The following GEN1 variants were observed in gnomAD, a reference collection of about 807,000 sequenced individuals.
GEN1 encodes GEN1 structure-specific endonuclease, also known as flap endonuclease GEN homolog 1.
Under a neutral mutation model 67.6 loss-of-function variants are expected in GEN1, and 64 were observed. That is an observed-to-expected ratio of 0.95 (90% CI 0.77 to 1.17). The LOEUF is 1.17. Among genes scored for constraint, GEN1 ranks in the 50% most tolerant of loss-of-function variants. GEN1 has a pLI of 0.00. For missense variants in GEN1, 1,058 were observed against 1,048.3 expected (o/e 1.01, Z -0.13); for synonymous variants, 371 against 359.4 (o/e 1.03, Z -0.37).
intron 7 of GEN1, among the ~76,000 whole-genome samples, chr2:17,772,037 T>C (rs1672214644): frequency 6.6e-6 from 1 of 152,068 alleles, no homozygotes; most frequent in Non-Finnish European, 1.5e-5. Context: ...TCATATCAAG[T>C]ATATGTGCTC....
chr2:17,765,039 A>C lies in GEN1; in HGVS notation c.491A>C (p.Gln164Pro). Residue 164 changes from glutamine (Q) to proline (P), a missense_variant, in exon 4 of 14, where the codon CAG becomes CCG. Transcript: ENST00000381254. ...GGAGATACTTTCCTTTATGGGGCCCAGACTGTTTACAGGAATTTCACTATG... is the reference window on the plus strand; with the variant it reads ...GGAGATACTTTCCTTTATGGGGCCCCGACTGTTTACAGGAATTTCACTATG... Reference protein sequence around the residue: ...NDGDTFLYGAQTVYRNFTMNT... With the variant: ...NDGDTFLYGAPTVYRNFTMNT... The C allele has an allele frequency of 6.2e-7, 1 of 1,614,134 alleles. No individual in the cohort carries two copies. The highest frequency in any genetic ancestry group is 8.5e-7 in the Non-Finnish European group (1 of 1,179,994).
chr2:17,778,105 TGACC>T (rs775734415), intron 12 of GEN1, 42 bp downstream of exon 12: 5 of 1,033,714 alleles, frequency 4.8e-6, no homozygotes, highest in African/African-American at 4.7e-5. Context: ...TTATAATATT[TGACC>T]ATGTATGTCT....
At position 17,774,361 on chromosome 2, in the gene GEN1, A is replaced by C; in HGVS notation, c.1162A>C (p.Lys388Gln). The C allele has an allele frequency of 6.2e-7, 1 of 1,606,524 alleles. No individual in the cohort carries two copies. The highest frequency in any genetic ancestry group is 8.5e-7 in the Non-Finnish European group (1 of 1,175,210). The change falls in exon 11 of 14, where the codon AAG becomes CAG. Residue 388 changes from lysine (K) to glutamine (Q), a missense_variant. Transcript: ENST00000381254. ...LLTHYDMIER[K>Q]LGSRNSNQLQ... is the part of the protein sequence containing the mutation. ...GACCCATTATGACATGATAGAAAGA[A>C]AGCTTGGTAGCAGAAACTCTAATCA... is the stretch of plus-strand genomic sequence containing the variant.
intron 7 of GEN1, among the ~76,000 whole-genome samples, chr2:17,771,712 A>G (rs1340332880): frequency 1.3e-5 from 2 of 151,930 alleles, no homozygotes; most frequent in Non-Finnish European, 2.9e-5. Flanking sequence ...GTGTGAAGAC[A>G]GTGACTTAAA....
chr2:17,763,780 T>C (rs1671792633), intron 3 of GEN1, among the ~76,000 whole-genome samples: 1 of 152,222 alleles, frequency 6.6e-6, no homozygotes, highest in Non-Finnish European at 1.5e-5. Flanking sequence ...AAACTGTCTC[T>C]CTAAAATCAC....
At position 17,786,612 on chromosome 2, in the gene GEN1, A is replaced by G. The variant is rs1329387862; in HGVS notation, c.*4673A>G. 6.6e-6 allele frequency: 1 copy of G among 152,242 alleles called. No individual in the cohort carries two copies. The highest frequency in any genetic ancestry group is 6.5e-5 in the Admixed American group (1 of 15,292). 9.4% of individuals were successfully genotyped at this position (152,242 alleles called of 1,614,324 possible). ...AAAGTTAAAGCTGGGACTAGAACTC[A>G]GATCTCCTAATTCATGAGTGAAAAC... is the stretch of plus-strand genomic sequence containing the variant. On this transcript the variant is annotated 3_prime_UTR_variant, in exon 14 of 14. Coordinates refer to ENST00000381254, the MANE Select transcript of GEN1 (RefSeq NM_001130009.3).
In GEN1 at chr2:17,762,650, TG is replaced by T. The variant is rs1440762831; in HGVS notation, c.348+1069del. Among the ~76,000 whole-genome samples, 3 of 152,248 alleles carry T rather than the reference TG, an allele frequency of 2.0e-5. No individual in the cohort carries two copies. In the East Asian group the frequency reaches 5.8e-4, roughly 29 times the overall value. On this transcript the variant is annotated intron_variant, in intron 3 of 13. Coordinates refer to ENST00000381254, the MANE Select transcript of GEN1 (RefSeq NM_001130009.3). The stretch of plus-strand genomic sequence containing the variant: ...AATCAAAATCATAACTTGTAGTGGT[TG>T]TGCAACATGTATGAAGCTATGAATC...
intron 12 of GEN1, among the ~76,000 whole-genome samples, chr2:17,778,480 C>CTAT (rs1672666391): frequency 9.4e-5 from 12 of 127,638 alleles, no homozygotes; most frequent in African/African-American, 2.4e-4. Context: ...ACACACACAG[C>CTAT]ATGTGTGTGA....
At chr2:17,769,112 C>G (rs904178160) in intron 6 of GEN1, among the ~76,000 whole-genome samples, 1 of 151,992 alleles carries the variant, frequency 6.6e-6, no homozygotes, top group Non-Finnish European at 1.5e-5. Context: ...CTCAACCTGC[C>G]GGAGTCAAGT....
At position 17,780,001 on chromosome 2, in the gene GEN1, C is replaced by T. The variant is rs987122143; in HGVS notation, c.1288C>T (p.Gln430Ter). 6.2e-7 allele frequency: 1 copy of T among 1,600,604 alleles called. No homozygotes were observed. Among genetic ancestry groups the T allele is most frequent in the African/African-American group, 1.3e-5 (1 of 74,640 alleles). ...AGAACATTATGCTATGGAAGATAAACAACATGGAGAATTTGCTTTATTAAC... is the reference window on the plus strand; with the variant it reads ...AGAACATTATGCTATGGAAGATAAATAACATGGAGAATTTGCTTTATTAAC... ...KPEHYAMEDK[Q>*]HGEFALLTIE... The change falls in exon 13 of 14, where the codon CAA becomes TAA. Residue 430 changes from glutamine (Q) to a stop codon, truncating the protein, a stop_gained. Transcript: ENST00000381254. LOFTEE classifies it high-confidence loss of function.
At position 17,773,133 on chromosome 2, in the gene GEN1, G is replaced by A; in HGVS notation, c.990+1G>A. On this transcript the variant is annotated splice_donor_variant, in intron 9 of 13. Coordinates refer to ENST00000381254, the MANE Select transcript of GEN1 (RefSeq NM_001130009.3). LOFTEE classifies it high-confidence loss of function. ...TTGTGAGGGATTCCCATTCCATGAG[G>A]TAATATCCAGTAATTCAACTCTATT... The A allele has an allele frequency of 6.4e-7, 1 of 1,574,596 alleles. No homozygotes were observed.
Position 17,780,000 on chromosome 2 carries a change from A to T in GEN1, c.1287A>T (p.Lys429Asn). 6.2e-7 allele frequency: 1 copy of T among 1,601,954 alleles called. No individual in the cohort carries two copies. Among genetic ancestry groups the T allele is most frequent in the Non-Finnish European group, 8.6e-7 (1 of 1,169,212 alleles). The change falls in exon 13 of 14, where the codon AAA (lysine) becomes AAT (asparagine). Residue 429 changes from lysine (K) to asparagine (N), a missense_variant. Transcript: ENST00000381254. ...EKPEHYAMED[K>N]QHGEFALLTI... The stretch of plus-strand genomic sequence containing the variant: ...TAGAACATTATGCTATGGAAGATAA[A>T]CAACATGGAGAATTTGCTTTATTAA...
rs1673115243 is a variant in GEN1 at position 17,788,142 on chromosome 2, C to G, written c.*6203C>G. On this transcript the variant is annotated 3_prime_UTR_variant, in exon 14 of 14. Coordinates refer to ENST00000381254, the MANE Select transcript of GEN1 (RefSeq NM_001130009.3). Reference sequence around the variant, plus strand: ...TAAATCAACTGCTGTTCCTGTTCTGCTGGTAGCACTTAGGGTAAAACAGCT... The same window carrying G: ...TAAATCAACTGCTGTTCCTGTTCTGGTGGTAGCACTTAGGGTAAAACAGCT... 6.6e-6 allele frequency: 1 copy of G among 152,328 alleles called. No individual in the cohort carries two copies. The highest frequency in any genetic ancestry group is 1.9e-4 in the East Asian group (1 of 5,178). 9.4% of individuals were successfully genotyped at this position (152,328 alleles called of 1,614,324 possible). A position where few individuals can be genotyped will look rare whatever the true frequency, so the allele number is the denominator to read the frequency against.
At chr2:17,768,379 A>T (rs949349804) in intron 5 of GEN1, among the ~76,000 whole-genome samples, 3 of 152,244 alleles carry the variant, frequency 2.0e-5, no homozygotes, top group African/African-American at 7.2e-5. Flanking sequence ...GATTACAAAC[A>T]TAAAGTTAGG....
chr2:17,786,649 T>G lies in GEN1; in HGVS notation c.*4710T>G, dbSNP rs1000140328. The G allele has an allele frequency of 2.0e-5, 3 of 152,218 alleles. No individual in the cohort carries two copies. Among genetic ancestry groups the G allele is most frequent in the Non-Finnish European group, 4.4e-5 (3 of 68,040 alleles). The allele number at this position is 152,218 out of a possible 1,614,324, so 9.4% of individuals were successfully genotyped here. A position where few individuals can be genotyped will look rare whatever the true frequency, so the allele number is the denominator to read the frequency against. On this transcript the variant is annotated 3_prime_UTR_variant, in exon 14 of 14. Transcript: ENST00000381254. ...TCATGAGTGAAAACAATTCTCTGTA[T>G]TTATGTTTCCATACATCATTCAGTT...
intron 3 of GEN1, among the ~76,000 whole-genome samples, chr2:17,764,571 C>T (rs1671833845): frequency 6.6e-6 from 1 of 152,056 alleles, no homozygotes; most frequent in Non-Finnish European, 1.5e-5. Context: ...TTCCCCTATC[C>T]ACACATCATT....
At chr2:17,756,750 T>C (rs1024128806) in intron 1 of GEN1, among the ~76,000 whole-genome samples, 1 of 152,186 alleles carries the variant, frequency 6.6e-6, no homozygotes, top group African/African-American at 2.4e-5. Flanking sequence ...AAATTTTACT[T>C]AATGCTGAGC....
At chr2:17,769,947 A>G (rs565790564) in intron 6 of GEN1, among the ~76,000 whole-genome samples, 2 of 152,288 alleles carry the variant, frequency 1.3e-5, no homozygotes, top group South Asian at 2.1e-4. Flanking sequence ...AAAAGGAATG[A>G]CCATAAAAAA....
chr2:17,773,747 C>T (rs1038521788), intron 10 of GEN1, among the ~76,000 whole-genome samples: 1 of 151,988 alleles, frequency 6.6e-6, no homozygotes, highest in African/African-American at 2.4e-5. Flanking sequence ...CTCATAAAGT[C>T]ACCATGAGGA....
Sources: gnomAD v4.1 joint callset for allele counts (sites outside exome capture counted in the v4.1 genomes callset) on GRCh38, gnomAD v4.1.1 for gene constraint, MANE v1.5 for transcripts, NCBI Gene and HGNC (gene_info 2026-07-23, HGNC 2026-07-21) for gene names.